CEP112: variants seen among roughly 807,000 people sequenced by gnomAD.
The protein encoded by CEP112 is centrosomal protein of 112 kDa.
A neutral mutation model predicts 153.0 loss-of-function variants in CEP112; 127 were observed. The ratio of observed to expected loss-of-function variants is 0.83; its 90% confidence interval spans 0.72 to 0.96. The LOEUF is 0.96. Among genes scored for constraint, CEP112 ranks in the 40% least tolerant of loss-of-function variants. CEP112 has a pLI of 0.00. For synonymous variants in CEP112, 358 were observed against 374.4 expected (o/e 0.96, Z 0.51); for missense variants, 1,089 against 1,101.2 (o/e 0.99, Z 0.16).
intron 8 of CEP112, 65 bp downstream of exon 8, chr17:66,096,186 C>T: frequency 1.7e-6 from 2 of 1,179,282 alleles, no homozygotes; most frequent in Non-Finnish European, 2.4e-6. Context: ...AACCTGAAAA[C>T]CTAGATTACA....
intron 16 of CEP112, among the ~76,000 whole-genome samples, chr17:66,025,893 G>A (rs2065179245): frequency 1.2e-5 from 1 of 81,174 alleles, no homozygotes; most frequent in Admixed American, 1.6e-4. Flanking sequence ...GCCCATAAAT[G>A]GATGACTGGA....
chr17:65,741,223 T>C (rs1432409763), intron 23 of CEP112, among the ~76,000 whole-genome samples: 1 of 152,106 alleles, frequency 6.6e-6, no homozygotes, highest in African/African-American at 2.4e-5. Flanking sequence ...GCCTGGAACA[T>C]AGTACGTGAT....
Position 66,126,311 on chromosome 17 carries a change from G to A in CEP112, c.642+3435C>T, listed in dbSNP as rs566319730. Among the ~76,000 whole-genome samples, 11 of 152,006 alleles carry A rather than the reference G, an allele frequency of 7.2e-5. No homozygotes were observed. The South Asian group carries it at 8.3e-4, about 11-fold the overall frequency. On this transcript the variant is annotated intron_variant, in intron 6 of 26. Transcript: ENST00000535342. ...TAGATCTTAAGATATTACATTAATCGCAAAATAAATAGAATCTAAAACTTG... is the reference window on the plus strand; with the variant it reads ...TAGATCTTAAGATATTACATTAATCACAAAATAAATAGAATCTAAAACTTG...
chr17:65,647,352 T>A (rs536992402), intron 24 of CEP112, among the ~76,000 whole-genome samples: 1 of 151,910 alleles, frequency 6.6e-6, no homozygotes, highest in East Asian at 1.9e-4. Flanking sequence ...TTTGTATTTT[T>A]AGTAGAGATG....
At chr17:65,678,545 C>T (rs1195696753) in intron 24 of CEP112, among the ~76,000 whole-genome samples, 4 of 152,136 alleles carry the variant, frequency 2.6e-5, no homozygotes, top group Non-Finnish European at 5.9e-5. Context: ...TATACCACAA[C>T]ATTACTCCAT....
At chr17:66,117,521 G>C (rs2069358379) in intron 6 of CEP112, among the ~76,000 whole-genome samples, 1 of 152,132 alleles carries the variant, frequency 6.6e-6, no homozygotes, top group South Asian at 2.1e-4. Flanking sequence ...GCCTCTGTGA[G>C]CTTTGACAAA....
intron 23 of CEP112, among the ~76,000 whole-genome samples, chr17:65,705,684 G>T (rs1365587540): frequency 6.6e-6 from 1 of 152,194 alleles, no homozygotes; most frequent in African/African-American, 2.4e-5. Flanking sequence ...GTTTCTGCAA[G>T]AAGTCAATGA....
At chr17:65,922,000 G>C (rs1432985062) in intron 19 of CEP112, among the ~76,000 whole-genome samples, 1 of 152,124 alleles carries the variant, frequency 6.6e-6, no homozygotes, top group Non-Finnish European at 1.5e-5. Flanking sequence ...GGATTTTTGA[G>C]ATTAAGGATA....
intron 16 of CEP112, among the ~76,000 whole-genome samples, chr17:66,025,506 T>G (rs2145667778): frequency 6.6e-6 from 1 of 152,058 alleles, no homozygotes; most frequent in South Asian, 2.1e-4. Flanking sequence ...GAGTAGACAT[T>G]TTTCAAAAAA....
chr17:65,743,269 T>A, intron 22 of CEP112, 52 bp from the exon 23 acceptor site: 1 of 1,416,280 alleles, frequency 7.1e-7, no homozygotes, highest in Non-Finnish European at 9.6e-7. Context: ...GAGAGGCATC[T>A]ATTTTATATG....
chr17:65,990,302 T>C (rs1437647411), intron 17 of CEP112, among the ~76,000 whole-genome samples: 1 of 152,206 alleles, frequency 6.6e-6, no homozygotes, highest in East Asian at 1.9e-4. Context: ...AACAACTATG[T>C]ATAAAAAGAA....
intron 16 of CEP112, among the ~76,000 whole-genome samples, chr17:66,025,920 T>TACACACAC (rs759825168): frequency 0.012 from 1,544 of 124,562 alleles, 37 homozygotes; most frequent in African/African-American, 0.04. Context: ...AAATGTGGCA[T>TACACACAC]ACACACACAC....
At chr17:66,064,648 T>C (rs2067047778) in intron 10 of CEP112, among the ~76,000 whole-genome samples, 1 of 152,198 alleles carries the variant, frequency 6.6e-6, no homozygotes, top group Non-Finnish European at 1.5e-5. Context: ...GTTAACCTAA[T>C]GTGGGTCTTT....
intron 20 of CEP112, among the ~76,000 whole-genome samples, chr17:65,890,721 C>T (rs555102743): frequency 6.6e-6 from 1 of 152,240 alleles, no homozygotes; most frequent in South Asian, 2.1e-4. Flanking sequence ...TAGAAATGGA[C>T]CAAGGGGATA....
At chr17:66,082,804 AAAAC>A (rs1040438291) in intron 8 of CEP112, among the ~76,000 whole-genome samples, 48 of 151,852 alleles carry the variant, frequency 3.2e-4, no homozygotes, top group African/African-American at 1.2e-3. Flanking sequence ...TGTAGCCACC[AAAAC>A]AAACCACTAT....
At chr17:65,948,980 G>A (rs2061732411) in intron 18 of CEP112, among the ~76,000 whole-genome samples, 1 of 152,124 alleles carries the variant, frequency 6.6e-6, no homozygotes, top group Non-Finnish European at 1.5e-5. Flanking sequence ...GAGAAAAGCG[G>A]TTCAAAACAA....
Position 65,743,116 on chromosome 17 carries a change from A to C in CEP112, c.2559T>G (p.Phe853Leu). ...TAATCAGCTGCTTCTTCTCATCTTC[A>C]AACTTTTGTCTAACATCCTGGAGCC... The part of the protein sequence containing the change: ...ERRLQDVRQK[F>L]EDEKKQLIRD... Residue 853 changes from phenylalanine (F) to leucine (L), a missense_variant, in exon 23 of 27, where the codon TTT becomes TTG. By Grantham distance (22) the Phe-to-Leu change is conservative. Transcript: ENST00000535342. 1 of 1,612,420 alleles carries C rather than the reference A, an allele frequency of 6.2e-7. No homozygotes were observed. The highest frequency in any genetic ancestry group is 8.5e-7 in the Non-Finnish European group (1 of 1,179,414).
At chr17:66,061,314 C>G (rs1417696418) in intron 11 of CEP112, among the ~76,000 whole-genome samples, 1 of 151,734 alleles carries the variant, frequency 6.6e-6, no homozygotes. Context: ...AAAAGAGAAC[C>G]CTTATATACT....
intron 23 of CEP112, among the ~76,000 whole-genome samples, chr17:65,731,028 G>C (rs1399290978): frequency 1.3e-5 from 2 of 152,152 alleles, no homozygotes; most frequent in East Asian, 3.9e-4. Context: ...TGGTGGTGCA[G>C]TGATGCCAGA....
Sources: allele counts gnomAD v4.1 joint callset (sites outside exome capture counted in the v4.1 genomes callset), GRCh38; gene constraint gnomAD v4.1.1; transcripts MANE v1.5; gene names NCBI Gene and HGNC (gene_info 2026-07-23, HGNC 2026-07-21).